Variants in CIRSR observed in about 807,000 individuals in gnomAD.
The protein encoded by CIRSR is CBF1 (RBPJ) interacting corepressor 1.
At chr2:174,370,624 C>T in the CIRSR span, among the ~76,000 whole-genome samples, 55 of 152,284 alleles carry the variant, frequency 3.6e-4, no homozygotes, top group East Asian at 9.3e-3. Flanking sequence ...CAGAAAAATA[C>T]ATTCTACGGG....
At chr2:174,353,504 G>C in the CIRSR span, among the ~76,000 whole-genome samples, 1 of 152,120 alleles carries the variant, frequency 6.6e-6, no homozygotes, top group Non-Finnish European at 1.5e-5. Context: ...GTCTTGCTCT[G>C]TTGCCCAGGC....
the CIRSR span, among the ~76,000 whole-genome samples, chr2:174,388,852 G>C: frequency 1.3e-5 from 2 of 152,058 alleles, no homozygotes; most frequent in Non-Finnish European, 2.9e-5. Flanking sequence ...TGAATCATGG[G>C]GGCGGTTACA....
the CIRSR span, among the ~76,000 whole-genome samples, chr2:174,373,490 A>G: frequency 2.0e-5 from 3 of 152,198 alleles, no homozygotes; most frequent in Admixed American, 1.3e-4. Context: ...TGAAAAGCCT[A>G]AATTTTAAGT....
At chr2:174,378,277 G>T in the CIRSR span, among the ~76,000 whole-genome samples, 1 of 152,166 alleles carries the variant, frequency 6.6e-6, no homozygotes, top group African/African-American at 2.4e-5. Context: ...ACTTGCTTAA[G>T]GTTACAGGAT....
the CIRSR span, chr2:174,395,512 C>A: frequency 6.3e-7 from 1 of 1,592,206 alleles, no homozygotes; most frequent in South Asian, 1.1e-5. Flanking sequence ...GGAAGGCGGT[C>A]CCTGTGGGCC....
the CIRSR span, among the ~76,000 whole-genome samples, chr2:174,386,396 G>C: frequency 4.1e-4 from 62 of 152,158 alleles, no homozygotes; most frequent in Non-Finnish European, 7.5e-4. Flanking sequence ...TGGTCAGGCT[G>C]GTCTCGAACT....
chr2:174,393,295 T>A, the CIRSR span, among the ~76,000 whole-genome samples: 1 of 152,068 alleles, frequency 6.6e-6, no homozygotes, highest in Non-Finnish European at 1.5e-5. Context: ...AACAAAACAG[T>A]GTATCCTGTG....
At chr2:174,395,663 A>G in the CIRSR span, 37 of 1,614,124 alleles carry the variant, frequency 2.3e-5, no homozygotes, top group African/African-American at 4.0e-4. Flanking sequence ...TAGATCTGTT[A>G]GCAACGTAAA....
the CIRSR span, among the ~76,000 whole-genome samples, chr2:174,359,593 C>T: frequency 1.4e-3 from 211 of 152,168 alleles, no homozygotes; most frequent in African/African-American, 4.0e-3. Flanking sequence ...GAAATAGGAA[C>T]GCTTTTACAC....
At chr2:174,382,520 T>A in the CIRSR span, among the ~76,000 whole-genome samples, 1 of 152,026 alleles carries the variant, frequency 6.6e-6, no homozygotes, top group Admixed American at 6.6e-5. Flanking sequence ...GTGCCTGTAA[T>A]CCCAGCTACT....
the CIRSR span, among the ~76,000 whole-genome samples, chr2:174,385,392 G>T: frequency 6.6e-6 from 1 of 152,022 alleles, no homozygotes; most frequent in African/African-American, 2.4e-5. Context: ...GAATGAGGAA[G>T]AAATAAACAC....
chr2:174,364,446 C>G, the CIRSR span, among the ~76,000 whole-genome samples: 1 of 152,228 alleles, frequency 6.6e-6, no homozygotes. Context: ...TGGCCCTCTT[C>G]TCACAGCTCT....
the CIRSR span, among the ~76,000 whole-genome samples, chr2:174,353,488 G>A: frequency 6.6e-5 from 10 of 152,168 alleles, no homozygotes; most frequent in Admixed American, 6.5e-5. Context: ...GTGTGTGTGA[G>A]ATGGAGTCTT....
At chr2:174,361,667 C>A in the CIRSR span, among the ~76,000 whole-genome samples, 1 of 152,180 alleles carries the variant, frequency 6.6e-6, no homozygotes, top group Non-Finnish European at 1.5e-5. Flanking sequence ...AACACTGACA[C>A]ACAAACAAAT....
the CIRSR span, among the ~76,000 whole-genome samples, chr2:174,379,907 T>G: frequency 6.6e-6 from 1 of 151,856 alleles, no homozygotes; most frequent in African/African-American, 2.4e-5. Context: ...GCATTTTTAG[T>G]AGAGACAGGG....
At chr2:174,367,296 G>T in the CIRSR span, among the ~76,000 whole-genome samples, 1 of 151,930 alleles carries the variant, frequency 6.6e-6, no homozygotes, top group Non-Finnish European at 1.5e-5. Flanking sequence ...AAATTAGCTG[G>T]GCATTGGGCG....
chr2:174,350,393 G>C, the CIRSR span, among the ~76,000 whole-genome samples: 1 of 152,150 alleles, frequency 6.6e-6, no homozygotes, highest in Admixed American at 6.5e-5. Flanking sequence ...ATTTTGAAAA[G>C]TAAAAGCTAT....
chr2:174,372,133 C>T, the CIRSR span, among the ~76,000 whole-genome samples: 2 of 152,158 alleles, frequency 1.3e-5, no homozygotes, highest in Non-Finnish European at 2.9e-5. Context: ...TTAAGTACTA[C>T]TGCTAAATTT....
At chr2:174,365,829 A>G in the CIRSR span, among the ~76,000 whole-genome samples, 2 of 152,212 alleles carry the variant, frequency 1.3e-5, no homozygotes, top group South Asian at 4.1e-4. Context: ...CAGCCAAACC[A>G]TATCATATGC....
Sources: gnomAD v4.1 joint callset for allele counts (sites outside exome capture counted in the v4.1 genomes callset) on GRCh38, gnomAD v4.1.1 for gene constraint, MANE v1.5 for transcripts, NCBI Gene and HGNC (gene_info 2026-07-23, HGNC 2026-07-21) for gene names.